Variants in RGS5 observed in about 807,000 individuals in gnomAD.
RGS5 encodes regulator of G-protein signalling 5.
A neutral mutation model predicts 18.9 loss-of-function variants in RGS5; 20 were observed. The ratio of observed to expected loss-of-function variants is 1.06; its 90% CI spans 0.74 to 1.54. RGS5 has a LOEUF of 1.54. RGS5 is among the 40% of genes most tolerant of loss of function. RGS5 has a pLI of 0.00. For missense variants in RGS5, 201 were observed against 211.8 expected (o/e 0.95, Z 0.32); for synonymous variants, 57 against 76.2 (o/e 0.75, Z 1.31).
intron 2 of RGS5, among the ~76,000 whole-genome samples, chr1:163,228,083 A>T (rs1647378755): frequency 6.6e-6 from 1 of 152,158 alleles, no homozygotes; most frequent in Admixed American, 6.5e-5. Flanking sequence ...CTATTGGTGG[A>T]TCTACCATTC....
chr1:163,216,929 CA>C (rs1304847700), intron 1 of RGS5, among the ~76,000 whole-genome samples: 1 of 152,162 alleles, frequency 6.6e-6, no homozygotes, highest in Non-Finnish European at 1.5e-5. Context: ...TCATAAACTC[CA>C]CTGGGTTTTT....
At chr1:163,188,877 T>C (rs6658367) in intron 1 of RGS5, among the ~76,000 whole-genome samples, 31,203 of 142,438 alleles carry the variant, frequency 0.22, 3,665 homozygotes, top group African/African-American at 0.33. Flanking sequence ...CGCTTAAACC[T>C]GGGAGACAGA....
intron 1 of RGS5, among the ~76,000 whole-genome samples, chr1:163,307,405 G>T (rs538406175): frequency 6.6e-6 from 1 of 152,112 alleles, no homozygotes; most frequent in East Asian, 1.9e-4. Context: ...ATGAAAGTGA[G>T]AACTTTTTTT....
chr1:163,238,480 G>A (rs1266930182), intron 2 of RGS5: 2 of 153,054 alleles, frequency 1.3e-5, no homozygotes, highest in Non-Finnish European at 1.5e-5. Flanking sequence ...AAACTCATGA[G>A]CTTCCACTTA....
At position 163,152,715 on chromosome 1, in the gene RGS5, A is replaced by G. The variant is rs1557880105; in HGVS notation, c.219T>C (p.Tyr73=). 1.3e-6 allele frequency: 2 copies of G among 1,576,214 alleles called. No individual in the cohort carries two copies. The highest frequency in any genetic ancestry group is 2.7e-5 in the African/African-American group (2 of 72,764). The part of the protein sequence containing the change: ...DSLDKLLQNN[Y]GLASFKSFLK... ...GGAAACTTTTGAAACTGGCAAGTCC[A>G]TCTGGAAAGAAAAAAACAGTCAGCT... is the stretch of plus-strand genomic sequence containing the variant. The change falls in exon 4 of 5, where the codon TAT becomes TAC. Residue 73 remains tyrosine, a splice_region_variant and synonymous_variant. Coordinates refer to ENST00000313961, the MANE Select transcript of RGS5 (RefSeq NM_003617.4).
intron 2 of RGS5, among the ~76,000 whole-genome samples, chr1:163,233,480 C>A (rs909559186): frequency 1.3e-5 from 2 of 152,208 alleles, no homozygotes; most frequent in Non-Finnish European, 2.9e-5. Flanking sequence ...TCAATGTAAA[C>A]AGCCACATTA....
chr1:163,194,321 A>C (rs554304849), intron 1 of RGS5, among the ~76,000 whole-genome samples: 1 of 152,306 alleles, frequency 6.6e-6, no homozygotes, highest in South Asian at 2.1e-4. Flanking sequence ...GCATCTTTTA[A>C]GCTACATTCA....
At chr1:163,194,999 A>G (rs2101652361) in intron 1 of RGS5, among the ~76,000 whole-genome samples, 1 of 152,290 alleles carries the variant, frequency 6.6e-6, no homozygotes, top group East Asian at 1.9e-4. Context: ...GGGAATATAA[A>G]TTAGTACAAC....
At chr1:163,178,024 T>TG (rs1658633309) in intron 1 of RGS5, among the ~76,000 whole-genome samples, 1 of 152,180 alleles carries the variant, frequency 6.6e-6, no homozygotes. Flanking sequence ...ACAGAAAGCC[T>TG]GAGCATGGTG....
At chr1:163,278,131 CA>C (rs1557928749) in intron 2 of RGS5, among the ~76,000 whole-genome samples, 1 of 151,668 alleles carries the variant, frequency 6.6e-6, no homozygotes, top group Non-Finnish European at 1.5e-5. Context: ...CTGAGTCTTG[CA>C]AAAAATATAG....
chr1:163,287,960 G>C (rs971911752), intron 2 of RGS5, among the ~76,000 whole-genome samples: 1 of 152,184 alleles, frequency 6.6e-6, no homozygotes, highest in Non-Finnish European at 1.5e-5. Flanking sequence ...CCTTTAGTCT[G>C]TCATTGTAAC....
intron 2 of RGS5, among the ~76,000 whole-genome samples, chr1:163,272,092 C>T (rs55859347): frequency 0.21 from 32,366 of 151,520 alleles, 3,693 homozygotes; most frequent in African/African-American, 0.3. Flanking sequence ...GTCACCCAGG[C>T]TGAGGTGTCT....
chr1:163,201,440 A>C (rs1336595330), intron 1 of RGS5, among the ~76,000 whole-genome samples: 2 of 152,100 alleles, frequency 1.3e-5, no homozygotes, highest in East Asian at 3.9e-4. Context: ...TTACAATCTA[A>C]CTTCTACAAC....
chr1:163,203,630 G>T (rs1659858726), upstream of RGS5, among the ~76,000 whole-genome samples: 1 of 152,094 alleles, frequency 6.6e-6, no homozygotes, highest in African/African-American at 2.4e-5. Context: ...AGTGATCTAG[G>T]AGACCAAACA....
At chr1:163,176,618 T>C (rs1446882310) in intron 1 of RGS5, among the ~76,000 whole-genome samples, 6 of 59,220 alleles carry the variant, frequency 1.0e-4, no homozygotes, top group Non-Finnish European at 2.2e-4. Context: ...TGAAACTCAG[T>C]CTCAAAAAAA....
chr1:163,165,527 A>C (rs1361698551), intron 2 of RGS5, among the ~76,000 whole-genome samples: 3 of 152,200 alleles, frequency 2.0e-5, no homozygotes, highest in Non-Finnish European at 2.9e-5. Flanking sequence ...TCACATCCAG[A>C]GGGTGAGCAA....
At chr1:163,175,760 A>G (rs939362405) in intron 1 of RGS5, among the ~76,000 whole-genome samples, 1 of 152,190 alleles carries the variant, frequency 6.6e-6, no homozygotes, top group Non-Finnish European at 1.5e-5. Flanking sequence ...ACATGTATTT[A>G]TTTTCTTACT....
intron 1 of RGS5, among the ~76,000 whole-genome samples, chr1:163,198,832 G>GTTGT (rs1028663308): frequency 6.6e-6 from 1 of 151,774 alleles, no homozygotes; most frequent in Non-Finnish European, 1.5e-5. Flanking sequence ...ATTTTTTGTT[G>GTTGT]TTGTTTGTTT....
intron 1 of RGS5, among the ~76,000 whole-genome samples, chr1:163,214,496 T>C (rs1660174685): frequency 6.6e-6 from 1 of 152,098 alleles, no homozygotes; most frequent in Non-Finnish European, 1.5e-5. Context: ...CCTTTCTATA[T>C]AATCTCCCTC....
Sources: allele counts gnomAD v4.1 joint callset (sites outside exome capture counted in the v4.1 genomes callset), GRCh38; gene constraint gnomAD v4.1.1; transcripts MANE v1.5; gene names NCBI Gene and HGNC (gene_info 2026-07-23, HGNC 2026-07-21).